The following NSF variants were observed in gnomAD, a reference collection of about 807,000 sequenced individuals.
NSF encodes the protein vesicle-fusing ATPase.
NSF carries 14 observed loss-of-function variants against 50.3 expected under a neutral mutation model. The ratio of observed to expected loss-of-function variants is 0.28; its 90% CI spans 0.18 to 0.44. The LOEUF is 0.44. NSF is among the 20% of genes least tolerant of loss of function. NSF has a pLI of 1.00. For synonymous variants in NSF, 109 were observed against 175.7 expected (o/e 0.62, Z 3.00); for missense variants, 218 against 504.3 (o/e 0.43, Z 5.44).
rs778204437 is a variant in NSF at position 46,749,773 on chromosome 17, G to T, written c.1909G>T (p.Gly637Cys). The T allele has an allele frequency of 3.7e-6, 6 of 1,612,228 alleles. No homozygotes were observed. In the African/African-American group the frequency reaches 8.0e-5, roughly 22 times the overall value. ...LVLLKKAPPQGRKLLIIGTTS... is the reference protein window; with the variant it reads ...LVLLKKAPPQCRKLLIIGTTS... ...TAACACATTTTCTCCCTATGATCAG[G>T]GCCGCAAGCTTCTTATCATTGGGAC... The change falls in exon 18 of 21, where the codon GGC becomes TGC. Residue 637 changes from glycine to cysteine, a missense_variant and splice_region_variant. This residue lies in a region of NSF where 209 missense variants were observed against 320.9 expected (regional missense o/e 0.65). Transcript: ENST00000398238.
intron 1 of NSF, among the ~76,000 whole-genome samples, chr17:46,601,828 C>T (rs1214146694): frequency 1.3e-5 from 2 of 150,760 alleles, no homozygotes; most frequent in Non-Finnish European, 2.9e-5. Context: ...TTTGGCATTT[C>T]TTGGCTCTTT....
chr17:46,610,027 T>TTCTTTCTCTC (rs774244394), intron 1 of NSF, among the ~76,000 whole-genome samples: 33 of 109,526 alleles, frequency 3.0e-4, no homozygotes, highest in African/African-American at 9.9e-4. Context: ...CTTTCTTTCT[T>TTCTTTCTCTC]TCTCTCTCTC....
At chr17:46,601,918 T>C (rs2057915147) in intron 1 of NSF, among the ~76,000 whole-genome samples, 1 of 144,550 alleles carries the variant, frequency 6.9e-6, no homozygotes, top group Non-Finnish European at 1.5e-5. Context: ...GCATGGTGGC[T>C]CACACCTGTA....
intron 17 of NSF, among the ~76,000 whole-genome samples, chr17:46,734,674 T>C (rs931126406): frequency 5.9e-5 from 9 of 152,196 alleles, no homozygotes; most frequent in African/African-American, 2.2e-4. Context: ...TGAAGCCCTT[T>C]GTAAACCTGT....
intron 17 of NSF, among the ~76,000 whole-genome samples, chr17:46,738,440 A>C (rs921594931): frequency 1.3e-5 from 2 of 152,192 alleles, no homozygotes; most frequent in African/African-American, 4.8e-5. Context: ...AAGAGGAAAA[A>C]AATTGCTACA....
chr17:46,736,798 A>T (rs113576893), intron 17 of NSF, among the ~76,000 whole-genome samples: 213 of 152,296 alleles, frequency 1.4e-3, no homozygotes, highest in African/African-American at 4.8e-3. Context: ...ATGACTTAAG[A>T]TTTAATTGAA....
Position 46,679,644 on chromosome 17 carries a change from A to G in NSF, c.945+5031A>G, listed in dbSNP as rs1264275883. Among the ~76,000 whole-genome samples the G allele has an allele frequency of 2.1e-5, 3 of 142,758 alleles. No homozygotes were observed. The East Asian group carries it at 6.1e-4, about 29-fold the overall frequency. 93.7% of individuals were successfully genotyped at this position (142,758 alleles called of 152,430 possible). ...GAGGCGGAGATTGCAGTGAGCCAAG[A>G]TCGTGCCACTGGATTCCAGCCTGGG... On this transcript the variant is annotated intron_variant, in intron 9 of 20. Transcript: ENST00000398238.
chr17:46,708,403 A>T (rs1434319662), intron 13 of NSF, among the ~76,000 whole-genome samples: 2 of 151,600 alleles, frequency 1.3e-5, no homozygotes, highest in Non-Finnish European at 2.9e-5. Context: ...ATGAAGTGAC[A>T]TCTCATTCTA....
intron 17 of NSF, among the ~76,000 whole-genome samples, chr17:46,743,298 A>T (rs1193153005): frequency 6.6e-6 from 1 of 152,060 alleles, no homozygotes; most frequent in Non-Finnish European, 1.5e-5. Context: ...AACCGTATGG[A>T]TTCCTGACAC....
intron 13 of NSF, 58 bp from the exon 14 acceptor site, chr17:46,710,905 A>T: frequency 6.8e-7 from 1 of 1,460,276 alleles, no homozygotes; most frequent in African/African-American, 1.5e-5. Flanking sequence ...CTCGTCTTTT[A>T]TACTGTTAGT....
intron 1 of NSF, among the ~76,000 whole-genome samples, chr17:46,621,388 G>A (rs1055417160): frequency 3.8e-5 from 5 of 129,876 alleles, no homozygotes; most frequent in African/African-American, 1.5e-4. Flanking sequence ...CCGGGCTCAC[G>A]CCTTTCTCCT....
chr17:46,749,697 A>AT, intron 17 of NSF, 76 bp from the exon 18 acceptor site: 18 of 1,349,498 alleles, frequency 1.3e-5, no homozygotes, highest in Non-Finnish European at 1.8e-5. Flanking sequence ...TCTTTTGCAA[A>AT]TTGTGTTCAA....
chr17:46,708,168 CT>C (rs2058675478), intron 13 of NSF, among the ~76,000 whole-genome samples: 1 of 152,064 alleles, frequency 6.6e-6, no homozygotes, highest in Non-Finnish European at 1.5e-5. Context: ...GTACAGATAT[CT>C]CTTCAAGACC....
intron 17 of NSF, among the ~76,000 whole-genome samples, chr17:46,740,063 G>A (rs77622703): frequency 2.6e-5 from 4 of 152,198 alleles, no homozygotes; most frequent in Non-Finnish European, 5.9e-5. Flanking sequence ...TGTCTAGTGG[G>A]TAAGTTGTCC....
chr17:46,708,088 CCT>C (rs2058674620), intron 13 of NSF, among the ~76,000 whole-genome samples: 1 of 151,072 alleles, frequency 6.6e-6, no homozygotes. Flanking sequence ...GTTATCCATT[CCT>C]CTGTCAATGG....
At chr17:46,724,341 C>G (rs1266892488) in intron 15 of NSF, among the ~76,000 whole-genome samples, 1 of 152,174 alleles carries the variant, frequency 6.6e-6, no homozygotes, top group African/African-American at 2.4e-5. Context: ...ACTACTATAT[C>G]TCCGTCATGG....
At chr17:46,709,779 G>A (rs1270532550) in intron 13 of NSF, among the ~76,000 whole-genome samples, 1 of 152,158 alleles carries the variant, frequency 6.6e-6, no homozygotes, top group African/African-American at 2.4e-5. Context: ...ATAGGCTTGA[G>A]TCACTGCGCC....
intron 8 of NSF, among the ~76,000 whole-genome samples, chr17:46,657,972 T>TTA (rs200825711): frequency 0.37 from 5,896 of 15,942 alleles, 1,058 homozygotes; most frequent in East Asian, 0.83. Flanking sequence ...TTTTATTTAT[T>TTA]TTTTTTTTTT....
At chr17:46,720,134 T>G (rs1414676127) in intron 15 of NSF, among the ~76,000 whole-genome samples, 1 of 152,236 alleles carries the variant, frequency 6.6e-6, no homozygotes, top group African/African-American at 2.4e-5. Context: ...CAGCAGTTAC[T>G]AAGCAACAGA....
Sources: gnomAD v4.1 joint callset for allele counts (sites outside exome capture counted in the v4.1 genomes callset) on GRCh38, gnomAD v4.1.1 for gene constraint, gnomAD v4.1.1 regional missense constraint, MANE v1.5 for transcripts, NCBI Gene and HGNC (gene_info 2026-07-23, HGNC 2026-07-21) for gene names.